ELK3: variants seen among roughly 807,000 people sequenced by gnomAD.
ELK3 encodes ETS domain-containing protein Elk-3.
A neutral mutation model predicts 28.9 loss-of-function variants in ELK3; 10 were observed. The observed-to-expected ratio is 0.35, with a 90% CI of 0.21 to 0.59. The LOEUF is 0.59. Among genes scored for constraint, ELK3 ranks in the 20% least tolerant of loss-of-function variants. ELK3 has a pLI of 0.82. For missense variants in ELK3, 463 were observed against 517.3 expected (o/e 0.90, Z 1.02); for synonymous variants, 272 against 243.5 (o/e 1.12, Z -1.09).
chr12:96,260,556 A>G (rs766054643), intron 4 of ELK3, among the ~76,000 whole-genome samples: 1 of 152,242 alleles, frequency 6.6e-6, no homozygotes, highest in Non-Finnish European at 1.5e-5. Flanking sequence ...TCTCCATACT[A>G]GGCGAGCACC....
chr12:96,195,576 C>G (rs118044944), intron 1 of ELK3, among the ~76,000 whole-genome samples: 1,587 of 152,240 alleles, frequency 0.01, 40 homozygotes, highest in Admixed American at 0.053. Context: ...ACCGAATCAT[C>G]CTAGGGACAA....
chr12:96,233,287 C>T (rs549005061), intron 2 of ELK3, among the ~76,000 whole-genome samples: 2 of 152,292 alleles, frequency 1.3e-5, no homozygotes, highest in South Asian at 4.2e-4. Flanking sequence ...TTTCACAACC[C>T]CTCATCCTCT....
At chr12:96,266,495 T>C (rs769465770) in intron 4 of ELK3, among the ~76,000 whole-genome samples, 34 of 151,974 alleles carry the variant, frequency 2.2e-4, no homozygotes, top group Admixed American at 4.6e-4. Context: ...AGAAATCTTA[T>C]TCTTTGTCAC....
At chr12:96,226,718 G>A (rs185147555) in intron 2 of ELK3, among the ~76,000 whole-genome samples, 10 of 150,688 alleles carry the variant, frequency 6.6e-5, no homozygotes, top group East Asian at 1.9e-4. Flanking sequence ...ACATGTGCAC[G>A]CATGGCTGGT....
In ELK3 at chr12:96,247,014, T is replaced by G; in HGVS notation, c.282T>G (p.Asp94Glu). ...CTTTCCCGGAGATCCTGAAGATGGA[T>G]CCTCACGCGGTGGAGATCAGCCGGG... ...FVSFPEILKM[D>E]PHAVEISRES... The change falls in exon 3 of 5, where the codon GAT (aspartate) becomes GAG (glutamate). Residue 94 changes from aspartate (D) to glutamate (E), a missense_variant. Physicochemically the swap from Asp to Glu is conservative, Grantham distance 45. Around this residue, in one of 2 missense-constraint regions of ELK3, gnomAD observed 408 missense variants for 414.8 expected, o/e 0.98. Coordinates refer to ENST00000228741, the MANE Select transcript of ELK3 (RefSeq NM_005230.4). The surrounding 1 kb of genome is among the most constrained non-coding windows in gnomAD (Gnocchi z 5.5). The G allele has an allele frequency of 6.2e-7, 1 of 1,614,116 alleles. No homozygotes were observed. Among genetic ancestry groups the G allele is most frequent in the Non-Finnish European group, 8.5e-7 (1 of 1,179,982 alleles).
At chr12:96,233,049 T>G (rs1386994387) in intron 2 of ELK3, among the ~76,000 whole-genome samples, 1 of 152,200 alleles carries the variant, frequency 6.6e-6, no homozygotes, top group Non-Finnish European at 1.5e-5. Flanking sequence ...CTTACTGTTC[T>G]TGGCATGGAT....
At chr12:96,213,483 G>T (rs1394763383) in intron 1 of ELK3, among the ~76,000 whole-genome samples, 2 of 152,194 alleles carry the variant, frequency 1.3e-5, no homozygotes, top group Non-Finnish European at 2.9e-5. Context: ...TTATTAGGGT[G>T]GGGTGCGGTG....
At chr12:96,216,266 G>A (rs1951617588) in intron 1 of ELK3, among the ~76,000 whole-genome samples, 1 of 152,186 alleles carries the variant, frequency 6.6e-6, no homozygotes, top group South Asian at 2.1e-4. Context: ...ATAGATGGGA[G>A]CCGAATGTAC....
chr12:96,195,456 A>T (rs780066865), intron 1 of ELK3, among the ~76,000 whole-genome samples: 2 of 152,184 alleles, frequency 1.3e-5, no homozygotes, highest in Non-Finnish European at 2.9e-5. Flanking sequence ...TTTACCTTCG[A>T]ACTCAACGTT....
Position 96,268,061 on chromosome 12 carries a change from C to G in ELK3, c.*881C>G, listed in dbSNP as rs1195708281. 6.6e-6 allele frequency: 1 copy of G among 152,128 alleles called. No homozygotes were observed. The highest frequency in any genetic ancestry group is 1.5e-5 in the Non-Finnish European group (1 of 68,034). 9.4% of individuals were successfully genotyped at this position (152,128 alleles called of 1,614,324 possible). ...CTCAGTTTTCCATAGGGAATCCCGA[C>G]CATCTGATATATTTACTGTGTCAGT... is the stretch of plus-strand genomic sequence containing the variant. On this transcript the variant is annotated 3_prime_UTR_variant, in exon 5 of 5. Coordinates refer to ENST00000228741, the MANE Select transcript of ELK3 (RefSeq NM_005230.4).
intron 3 of ELK3, among the ~76,000 whole-genome samples, chr12:96,257,481 C>G (rs2032774): frequency 6.6e-6 from 1 of 152,164 alleles, no homozygotes; most frequent in Non-Finnish European, 1.5e-5. Context: ...CGTTTTAGAC[C>G]AGAGAAATAG....
intron 1 of ELK3, among the ~76,000 whole-genome samples, chr12:96,206,980 AT>A (rs1565777515): frequency 6.6e-6 from 1 of 152,214 alleles, no homozygotes; most frequent in African/African-American, 2.4e-5. Flanking sequence ...TTAAAAATCT[AT>A]TTGAAATATG....
Position 96,237,429 on chromosome 12 carries a change from T to G in ELK3, c.208-9511T>G, listed in dbSNP as rs1461927007. Among the ~76,000 whole-genome samples the G allele has an allele frequency of 2.6e-5, 4 of 152,328 alleles. No homozygotes were observed. In the East Asian group the frequency reaches 7.7e-4, roughly 29 times the overall value. The stretch of plus-strand genomic sequence containing the variant: ...GAGGTGAGCCTGCCCCCCAGACATT[T>G]GTAGCAGAGTCTCTTATGGCCAGCT... On this transcript the variant is annotated intron_variant, in intron 2 of 4. Transcript: ENST00000228741.
chr12:96,196,387 AC>A (rs1384386038), intron 1 of ELK3, among the ~76,000 whole-genome samples: 1 of 143,104 alleles, frequency 7.0e-6, no homozygotes, highest in African/African-American at 2.6e-5. Context: ...GCTCACACAC[AC>A]CCATCTTCTC....
chr12:96,240,629 G>A (rs766251924), intron 2 of ELK3, among the ~76,000 whole-genome samples: 5 of 152,204 alleles, frequency 3.3e-5, no homozygotes, highest in Non-Finnish European at 7.3e-5. Flanking sequence ...GTTAAGAAGG[G>A]CCTGTTTGTT....
At chr12:96,260,808 C>A (rs1008642663) in intron 4 of ELK3, among the ~76,000 whole-genome samples, 1 of 152,204 alleles carries the variant, frequency 6.6e-6, no homozygotes, top group Non-Finnish European at 1.5e-5. Flanking sequence ...ATCCTGTGCC[C>A]CACAGTGTGG....
chr12:96,207,948 C>T (rs1264333978), intron 1 of ELK3, among the ~76,000 whole-genome samples: 1 of 152,226 alleles, frequency 6.6e-6, no homozygotes, highest in Admixed American at 6.5e-5. Flanking sequence ...TTTGCCATAT[C>T]TGTGTACCAT....
intron 2 of ELK3, among the ~76,000 whole-genome samples, chr12:96,231,085 A>G (rs2137020806): frequency 6.6e-6 from 1 of 152,332 alleles, no homozygotes; most frequent in Non-Finnish European, 1.5e-5. Flanking sequence ...AGGCCTAAAC[A>G]GGACATTTAA....
At chr12:96,265,575 A>G (rs1436395990) in intron 4 of ELK3, among the ~76,000 whole-genome samples, 1 of 152,196 alleles carries the variant, frequency 6.6e-6, no homozygotes, top group Non-Finnish European at 1.5e-5. Flanking sequence ...AGTCCCAGCT[A>G]CTTAGGAGGC....
Sources: allele counts gnomAD v4.1 joint callset (sites outside exome capture counted in the v4.1 genomes callset), GRCh38; gene constraint gnomAD v4.1.1; regional missense constraint gnomAD v4.1.1; non-coding constraint Gnocchi (gnomAD v3.1); transcripts MANE v1.5; gene names NCBI Gene and HGNC (gene_info 2026-07-23, HGNC 2026-07-21).